Variants in C4orf50 observed in about 807,000 individuals in gnomAD.
The protein encoded by C4orf50 is uncharacterized protein C4orf50.
C4orf50 carries 80 observed loss-of-function variants against 77.2 expected under a neutral mutation model. That is an observed-to-expected ratio of 1.04 (90% confidence interval 0.87 to 1.25). The LOEUF is 1.25. C4orf50 is among the 50% of genes most tolerant of loss of function. The pLI, the probability that C4orf50 is intolerant of heterozygous loss-of-function variation, is 0.00. For missense variants in C4orf50, 1,257 were observed against 1,152.9 expected, an observed-to-expected ratio of 1.09 and a Z score of -1.31; for synonymous variants, 532 against 465.3, an observed-to-expected ratio of 1.14 and a Z score of -1.84.
intron 7 of C4orf50, among the ~76,000 whole-genome samples, chr4:5,929,901 G>A (rs1055104988): frequency 6.6e-6 from 1 of 152,230 alleles, no homozygotes; most frequent in African/African-American, 2.4e-5. Context: ...TTAAATATTA[G>A]CTACCCCGCA....
chr4:6,017,623 T>C lies in C4orf50; in HGVS notation c.287+522A>G, dbSNP rs1004151002. On this transcript the variant is annotated intron_variant, in intron 23 of 33. Transcript: ENST00000531445. The surrounding 1 kb of genome is among the most constrained non-coding windows in gnomAD (Gnocchi z 4.7). Reference sequence around the variant, plus strand: ...AGCCTTCCAGAGCACACATGCTTTTTCCCCAGGATATAAGCCCTGGGTTGG... The same window carrying C: ...AGCCTTCCAGAGCACACATGCTTTTCCCCCAGGATATAAGCCCTGGGTTGG... Among the ~76,000 whole-genome samples, 1 of 152,174 alleles carries C rather than the reference T, an allele frequency of 6.6e-6. No homozygotes were observed. Among genetic ancestry groups the C allele is most frequent in the Admixed American group, 6.5e-5 (1 of 15,284 alleles).
At chr4:5,904,256 A>T (rs962650696) in intron 7 of C4orf50, 1 of 152,270 alleles carries the variant, frequency 6.6e-6, no homozygotes, top group African/African-American at 2.4e-5. Context: ...CCTGCAGTTT[A>T]CAGGGAAATG....
intron 25 of C4orf50, among the ~76,000 whole-genome samples, chr4:5,996,587 C>T (rs1721600408): frequency 6.6e-6 from 1 of 152,154 alleles, no homozygotes; most frequent in Non-Finnish European, 1.5e-5. Flanking sequence ...GCTTAAAGGC[C>T]GATCTTTAAT....
In C4orf50 at chr4:6,005,371, C is replaced by T. The variant is rs891862562; in HGVS notation, c.963+2625G>A. On this transcript the variant is annotated intron_variant, in intron 25 of 33. Transcript: ENST00000531445. Reference sequence around the variant, plus strand: ...CCACATGAGGTGCAGTTCCCCTGGGCCACTGGGACTTTTATAAGAGGAAGC... The same window carrying T: ...CCACATGAGGTGCAGTTCCCCTGGGTCACTGGGACTTTTATAAGAGGAAGC... 5.9e-5 allele frequency among the ~76,000 whole-genome samples: 9 copies of T among 152,238 alleles called. No homozygotes were observed. In the East Asian group the frequency reaches 1.7e-3, roughly 29 times the overall value.
rs1717793629 is a variant in C4orf50, at chr4:5,932,075, C to G, written c.*2474+24826G>C. Among the ~76,000 whole-genome samples, 1 of 122,300 alleles carries G rather than the reference C, an allele frequency of 8.2e-6. No individual in the cohort carries two copies. The highest frequency in any genetic ancestry group is 1.6e-5 in the Non-Finnish European group (1 of 61,604). 80.2% of individuals were successfully genotyped at this position (122,300 alleles called of 152,430 possible). ...CCCGCCCCCCACCCCTGCCAACTGTCTCTAATTTCCGTGCAATGTTTGGCC... is the reference window on the plus strand; with the variant it reads ...CCCGCCCCCCACCCCTGCCAACTGTGTCTAATTTCCGTGCAATGTTTGGCC... On this transcript the variant is annotated intron_variant, in intron 7 of 7. Transcript: ENST00000324058. This position sits in a 1 kb window ranked among gnomAD's most constrained non-coding sequence, Gnocchi z 4.2.
intron 28 of C4orf50, among the ~76,000 whole-genome samples, chr4:5,983,749 G>A (rs1174860556): frequency 6.6e-6 from 1 of 152,240 alleles, no homozygotes; most frequent in Non-Finnish European, 1.5e-5. Flanking sequence ...AGCTGAAAGT[G>A]TTGGTCCTGC....
intron 31 of C4orf50, among the ~76,000 whole-genome samples, chr4:5,973,397 G>A (rs991470084): frequency 2.6e-5 from 4 of 152,238 alleles, no homozygotes; most frequent in African/African-American, 9.6e-5. Context: ...GTATGACGCT[G>A]AATTACAATC....
chr4:5,970,064 G>A lies in C4orf50; in HGVS notation c.4105-2602C>T, dbSNP rs117886316. Among the ~76,000 whole-genome samples the A allele has an allele frequency of 5.7e-4, 87 of 152,196 alleles. No homozygotes were observed. The East Asian group carries it at 0.017, about 29-fold the overall frequency. Reference sequence around the variant, plus strand: ...CCAAGGTCTCAGGGACGGGGAAAGGGGACGATGTAACTGAATACAAACAGC... The same window carrying A: ...CCAAGGTCTCAGGGACGGGGAAAGGAGACGATGTAACTGAATACAAACAGC... On this transcript the variant is annotated intron_variant, in intron 31 of 33. Transcript: ENST00000531445. This position sits in a 1 kb window ranked among gnomAD's most constrained non-coding sequence, Gnocchi z 4.3.
chr4:5,990,008 C>T (rs1721165297), exon 28 of C4orf50: 1 of 1,397,196 alleles, frequency 7.2e-7, no homozygotes, highest in Non-Finnish European at 9.3e-7. Context: ...GGCCATGGCT[C>T]TTTGGTCTCA....
At chr4:5,966,712 T>C (rs1326767590) in intron 32 of C4orf50, among the ~76,000 whole-genome samples, 1 of 150,824 alleles carries the variant, frequency 6.6e-6, no homozygotes, top group Non-Finnish European at 1.5e-5. Flanking sequence ...TACAGTGGTG[T>C]TATCTCGGTT....
intron 30 of C4orf50, 27 bp from the exon 9 acceptor site, chr4:5,973,868 A>G (rs1469175641): frequency 1.3e-6 from 2 of 1,577,980 alleles, no homozygotes; most frequent in Non-Finnish European, 8.6e-7. Flanking sequence ...CCATGGATGC[A>G]GAGCTCCCAC....
At chr4:5,926,147 A>G (rs910416286) in intron 7 of C4orf50, among the ~76,000 whole-genome samples, 4 of 152,174 alleles carry the variant, frequency 2.6e-5, no homozygotes, top group African/African-American at 9.7e-5. Flanking sequence ...TAATCTGGTG[A>G]CCTAAACACT....
chr4:5,913,746 C>A (rs1322816474), intron 7 of C4orf50, among the ~76,000 whole-genome samples: 1 of 152,174 alleles, frequency 6.6e-6, no homozygotes, highest in East Asian at 1.9e-4. Flanking sequence ...AACCTCCAGG[C>A]TGCCAAGGGA....
At chr4:6,003,450 G>A (rs1241841323) in intron 25 of C4orf50, among the ~76,000 whole-genome samples, 1 of 149,678 alleles carries the variant, frequency 6.7e-6, no homozygotes, top group Non-Finnish European at 1.5e-5. Flanking sequence ...ATAGTGATGA[G>A]GGTGGTAATG....
At position 6,016,540 on chromosome 4, in the gene C4orf50, C is replaced by A. The variant is rs186508963; in HGVS notation, c.287+1605G>T. On this transcript the variant is annotated intron_variant, in intron 23 of 33. Transcript: ENST00000531445. Reference sequence around the variant, plus strand: ...CTCCAGCCTGGGTGACAGAGTAAGACTCCATCTCAAAACAAAGCAAAATAA... The same window carrying A: ...CTCCAGCCTGGGTGACAGAGTAAGAATCCATCTCAAAACAAAGCAAAATAA... Among the ~76,000 whole-genome samples the A allele has an allele frequency of 2.3e-4, 35 of 152,294 alleles. 1 individual carries two copies. Among genetic ancestry groups the A allele is most frequent in the African/African-American group, 8.4e-4 (35 of 41,544 alleles).
intron 23 of C4orf50, among the ~76,000 whole-genome samples, chr4:6,014,612 C>T (rs1488544382): frequency 6.6e-6 from 1 of 152,200 alleles, no homozygotes; most frequent in African/African-American, 2.4e-5. Context: ...CAACATTCAC[C>T]TGAAATCTGT....
chr4:5,978,018 T>A (rs1260261120), intron 29 of C4orf50, among the ~76,000 whole-genome samples: 1 of 152,192 alleles, frequency 6.6e-6, no homozygotes, highest in Non-Finnish European at 1.5e-5. Flanking sequence ...AGAATCTGAA[T>A]AAACTCTTCT....
At chr4:5,979,386 G>A (rs527269742) in intron 29 of C4orf50, among the ~76,000 whole-genome samples, 1 of 152,316 alleles carries the variant, frequency 6.6e-6, no homozygotes, top group South Asian at 2.1e-4. Flanking sequence ...CTTTGCATGT[G>A]TTGATATGAA....
intron 7 of C4orf50, among the ~76,000 whole-genome samples, chr4:5,918,214 G>T (rs1717114800): frequency 6.6e-6 from 1 of 152,200 alleles, no homozygotes; most frequent in Non-Finnish European, 1.5e-5. Flanking sequence ...GTGAGCTTCA[G>T]TTATCACACA....
Sources: gnomAD v4.1 joint callset for allele counts (sites outside exome capture counted in the v4.1 genomes callset) on GRCh38, gnomAD v4.1.1 for gene constraint, Gnocchi (gnomAD v3.1) non-coding constraint, MANE v1.5 for transcripts, NCBI Gene and HGNC (gene_info 2026-07-23, HGNC 2026-07-21) for gene names.